MRPS22: variants seen among roughly 807,000 people sequenced by gnomAD.
MRPS22 encodes the protein mitochondrial ribosomal protein S22.
A neutral mutation model predicts 44.0 loss-of-function variants in MRPS22; 30 were observed. The ratio of observed to expected loss-of-function variants is 0.68; its 90% confidence interval spans 0.51 to 0.93. The LOEUF (loss-of-function observed/expected upper bound fraction) is 0.93, where lower values mean the gene tolerates loss of function less well. Among genes scored for constraint, MRPS22 ranks in the 40% least tolerant of loss-of-function variants. MRPS22 has a pLI of 0.00. For missense variants in MRPS22, 447 were observed against 447.8 expected (o/e 1.00, Z 0.02); for synonymous variants, 165 against 154.4 (o/e 1.07, Z -0.51).
chr3:139,348,661 G>A (rs1183514811), intron 3 of MRPS22, among the ~76,000 whole-genome samples: 6 of 152,170 alleles, frequency 3.9e-5, no homozygotes, highest in Non-Finnish European at 8.8e-5. Context: ...GACTCTTTTC[G>A]CCTAAGTTAG....
chr3:139,347,105 A>G, intron 2 of MRPS22, 61 bp downstream of exon 2: 1 of 1,561,222 alleles, frequency 6.4e-7, no homozygotes, highest in Non-Finnish European at 8.8e-7. Flanking sequence ...CAACATTTCT[A>G]GAGGCCCCTC....
Position 139,352,764 on chromosome 3 carries a change from T to A in MRPS22, c.850T>A (p.Leu284Met). 6.2e-7 allele frequency: 1 copy of A among 1,613,762 alleles called. No homozygotes were observed. The highest frequency in any genetic ancestry group is 1.1e-5 in the South Asian group (1 of 91,066). ...TGTAAATAATAAAAAGATTGATGGT[T>A]TGCTGATTGACCAGATTCAGAGAGA... ...YFVNNKKIDG[L>M]LIDQIQRDLI... is the part of the protein sequence containing the mutation. The change falls in exon 6 of 8, where the codon TTG (leucine) becomes ATG (methionine). Residue 284 changes from leucine (L) to methionine (M), a missense_variant. Coordinates refer to ENST00000680020, the MANE Select transcript of MRPS22 (RefSeq NM_020191.4).
rs1400061471 is a variant in MRPS22 at position 139,350,269 on chromosome 3, A to G, written c.595A>G (p.Lys199Glu). 2 of 1,614,200 alleles carry G rather than the reference A, an allele frequency of 1.2e-6. No homozygotes were observed. Among genetic ancestry groups the G allele is most frequent in the Middle Eastern group, 1.6e-4 (1 of 6,062 alleles). Reference sequence around the variant, plus strand: ...CCGAATGATACAAGTTTATTTCCCAAAAGAAGGTCGTAAAATTTTGACACC... The same window carrying G: ...CCGAATGATACAAGTTTATTTCCCAGAAGAAGGTCGTAAAATTTTGACACC... ...RDRMIQVYFPKEGRKILTPII... is the reference protein window; with the variant it reads ...RDRMIQVYFPEEGRKILTPII... The change falls in exon 4 of 8, where the codon AAA becomes GAA. Residue 199 changes from lysine (K) to glutamate (E), a missense_variant. Physicochemically the swap from Lys to Glu is moderately conservative, Grantham distance 56. Coordinates refer to ENST00000680020, the MANE Select transcript of MRPS22 (RefSeq NM_020191.4).
At chr3:139,348,755 A>G (rs1237826238) in intron 3 of MRPS22, among the ~76,000 whole-genome samples, 1 of 152,258 alleles carries the variant, frequency 6.6e-6, no homozygotes, top group Non-Finnish European at 1.5e-5. Context: ...AAACTCAGGC[A>G]TCATAAAGGA....
intron 2 of MRPS22, 25 bp from the exon 3 acceptor site, chr3:139,348,135 C>T (rs752889894): frequency 1.2e-6 from 2 of 1,612,462 alleles, no homozygotes; most frequent in East Asian, 2.2e-5. Flanking sequence ...TGTGGCTTTC[C>T]TTAATAAATA....
Position 139,352,701 on chromosome 3 carries a change from C to G in MRPS22, c.787C>G (p.Arg263Gly), listed in dbSNP as rs147739245. 6.2e-7 allele frequency: 1 copy of G among 1,613,302 alleles called. No homozygotes were observed. Among genetic ancestry groups the G allele is most frequent in the African/African-American group, 1.3e-5 (1 of 75,026 alleles). The change falls in exon 6 of 8, where the codon CGT becomes GGT. Residue 263 changes from arginine (R) to glycine (G), a missense_variant. Transcript: ENST00000680020. ...TAAACGTGGAAAATATGACCTTTTA[C>G]GTTCAACAAGATACTTTGGTGGAAT... is the stretch of plus-strand genomic sequence containing the variant. Reference protein sequence around the residue: ...IDKRGKYDLLRSTRYFGGMVW... With the variant: ...IDKRGKYDLLGSTRYFGGMVW...
rs760358192 is a variant in MRPS22 at position 139,346,864 on chromosome 3, A to G, written c.173-14A>G. The G allele has an allele frequency of 5.6e-6, 9 of 1,613,886 alleles. No homozygotes were observed. The highest frequency in any genetic ancestry group is 1.3e-5 in the African/African-American group (1 of 74,928). ...CATTTTTGTCAGCTTCTTATTTACT[A>G]AAGTCCATTTTAGCAGAATCTGGTA... On this transcript the variant is annotated splice_polypyrimidine_tract_variant and intron_variant, in intron 1 of 7. Transcript: ENST00000680020.
At chr3:139,352,600 T>G in intron 5 of MRPS22, 47 bp from the exon 6 acceptor site, 1 of 1,569,906 alleles carries the variant, frequency 6.4e-7, no homozygotes, top group Non-Finnish European at 8.8e-7. Context: ...TAATGCTGCA[T>G]ACTTCTTATT....
Position 139,355,763 on chromosome 3 carries a change from G to C in MRPS22, c.960G>C (p.Gln320His), listed in dbSNP as rs746626951. 2.5e-6 allele frequency: 4 copies of C among 1,614,092 alleles called. No homozygotes were observed. In the Admixed American group the frequency reaches 6.7e-5, roughly 27 times the overall value. Residue 320 changes from glutamine (Q) to histidine (H), a missense_variant, in exon 7 of 8, where the codon CAG becomes CAC. Coordinates refer to ENST00000680020, the MANE Select transcript of MRPS22 (RefSeq NM_020191.4). ...DGQSAQGAKD[Q>H]AAEGINLIKV... ...AGTCGGCTCAAGGGGCCAAGGATCA[G>C]GCTGCTGAGGGAATAAATTTAATCA... is the stretch of plus-strand genomic sequence containing the variant.
At position 139,346,946 on chromosome 3, in the gene MRPS22, A is replaced by G; in HGVS notation, c.241A>G (p.Lys81Glu). The G allele has an allele frequency of 6.2e-7, 1 of 1,614,240 alleles. No homozygotes were observed. The highest frequency in any genetic ancestry group is 1.3e-5 in the African/African-American group (1 of 75,058). The part of the protein sequence containing the change: ...MDEEVQSILT[K>E]MTGLNLQKTF... ...TGAGGAAGTTCAAAGCATACTCACGAAAATGACAGGCTTGAACTTGCAGAA... is the reference window on the plus strand; with the variant it reads ...TGAGGAAGTTCAAAGCATACTCACGGAAATGACAGGCTTGAACTTGCAGAA... Residue 81 changes from lysine to glutamate, a missense_variant, in exon 2 of 8, where the codon AAA becomes GAA. Physicochemically the swap from Lys to Glu is moderately conservative, Grantham distance 56. Coordinates refer to ENST00000680020, the MANE Select transcript of MRPS22 (RefSeq NM_020191.4).
At chr3:139,354,719 G>A (rs1941211933) in intron 6 of MRPS22, among the ~76,000 whole-genome samples, 1 of 152,160 alleles carries the variant, frequency 6.6e-6, no homozygotes, top group African/African-American at 2.4e-5. Context: ...GCTCAGGTAA[G>A]GGGAACGCAG....
At position 139,347,025 on chromosome 3, in the gene MRPS22, C is replaced by T; in HGVS notation, c.320C>T (p.Thr107Ile). 1 of 1,614,182 alleles carries T rather than the reference C, an allele frequency of 6.2e-7. No individual in the cohort carries two copies. Among genetic ancestry groups the T allele is most frequent in the African/African-American group, 1.3e-5 (1 of 75,050 alleles). Residue 107 changes from threonine to isoleucine, a missense_variant, in exon 2 of 8, where the codon ACT (threonine) becomes ATT (isoleucine). Thr to Ile is a moderately conservative substitution (Grantham distance 89, BLOSUM62 -1). Transcript: ENST00000680020. ...AAGCCACCAACCTATAAGCTAATGA[C>T]TCAGGCACAGTTGGAAGAGGTACGT... ...ELKPPTYKLM[T>I]QAQLEEATRQ...
chr3:139,353,630 T>C (rs973567767), intron 6 of MRPS22, among the ~76,000 whole-genome samples: 1 of 152,242 alleles, frequency 6.6e-6, no homozygotes, highest in Non-Finnish European at 1.5e-5. Flanking sequence ...GAACTTATTT[T>C]CAGAATAAAA....
At position 139,351,093 on chromosome 3, in the gene MRPS22, T is replaced by G; in HGVS notation, c.732+33T>G. On this transcript the variant is annotated intron_variant, in intron 5 of 7. Coordinates refer to ENST00000680020, the MANE Select transcript of MRPS22 (RefSeq NM_020191.4). ...GATTTTAGTTTCTAAAATATAGGCTTAAGTATGGTTATGAGTAAGATTTTT... is the reference window on the plus strand; with the variant it reads ...GATTTTAGTTTCTAAAATATAGGCTGAAGTATGGTTATGAGTAAGATTTTT... 2.0e-6 allele frequency: 3 copies of G among 1,484,492 alleles called. No homozygotes were observed. The South Asian group carries it at 3.4e-5, about 17-fold the overall frequency. The allele number at this position is 1,484,492 out of a possible 1,614,324, so 92.0% of individuals were successfully genotyped here.
At chr3:139,350,453 G>T in intron 4 of MRPS22, 131 bp downstream of exon 4, 1 of 1,058,318 alleles carries the variant, frequency 9.4e-7, no homozygotes, top group Non-Finnish European at 1.4e-6. Flanking sequence ...TTGAAATGGA[G>T]TTTCGCTCCT....
Position 139,350,795 on chromosome 3 carries a change from C to T in MRPS22, c.649-182C>T, listed in dbSNP as rs540350036. 9.6e-5 allele frequency: 63 copies of T among 658,038 alleles called. 1 individual carries two copies. Among genetic ancestry groups the T allele is most frequent in the South Asian group, 7.3e-4 (45 of 61,318 alleles). The allele number at this position is 658,038 out of a possible 1,614,324, so 40.8% of individuals were successfully genotyped here. On this transcript the variant is annotated intron_variant, in intron 4 of 7. Transcript: ENST00000680020. The stretch of plus-strand genomic sequence containing the variant: ...AAGATGGGTTGTACTAGGGTTCTCT[C>T]ATAATTGGCTTAGCTGGAATTTGAA...
At chr3:139,345,697 AG>A (rs1941029068) in intron 1 of MRPS22, among the ~76,000 whole-genome samples, 1 of 152,144 alleles carries the variant, frequency 6.6e-6, no homozygotes, top group South Asian at 2.1e-4. Context: ...AATGGCTGTA[AG>A]ATTTCTGGCC....
At chr3:139,356,314 T>TGTAA (rs1394739029) in intron 7 of MRPS22, among the ~76,000 whole-genome samples, 1 of 152,232 alleles carries the variant, frequency 6.6e-6, no homozygotes, top group African/African-American at 2.4e-5. Context: ...TACATTTATC[T>TGTAA]GTAAGTGCTG....
chr3:139,345,444 TTTTTTG>T (rs1176179034), intron 1 of MRPS22, among the ~76,000 whole-genome samples: 4 of 140,460 alleles, frequency 2.8e-5, no homozygotes, highest in African/African-American at 1.0e-4. Flanking sequence ...TGGTGTTTTT[TTTTTTG>T]TTTTTTTTTT....
Sources: gnomAD v4.1 joint callset for allele counts (sites outside exome capture counted in the v4.1 genomes callset) on GRCh38, gnomAD v4.1.1 for gene constraint, MANE v1.5 for transcripts, NCBI Gene and HGNC (gene_info 2026-07-23, HGNC 2026-07-21) for gene names.